The following PCDHA4 variants were observed in gnomAD, a reference collection of about 807,000 sequenced individuals.
PCDHA4 encodes protocadherin alpha-4.
PCDHA4 carries 49 observed loss-of-function variants against 61.4 expected under a neutral mutation model. The ratio of observed to expected loss-of-function variants is 0.80; its 90% CI spans 0.63 to 1.01. The LOEUF is 1.01. Among genes scored for constraint, PCDHA4 ranks in the 50% least tolerant of loss-of-function variants. The pLI is 0.00. For synonymous variants in PCDHA4, 590 were observed against 550.3 expected (o/e 1.07, Z -1.01); for missense variants, 1,254 against 1,235.8 (o/e 1.01, Z -0.22).
rs2150413547 is a variant in PCDHA4, at chr5:140,848,594, C to T, written c.2385+39022C>T. On this transcript the variant is annotated intron_variant, in intron 1 of 3. Coordinates refer to ENST00000530339, the MANE Select transcript of PCDHA4 (RefSeq NM_018907.4). The stretch of plus-strand genomic sequence containing the variant: ...TGGTGGGGAGCGGCCAGCTCCACTA[C>T]TCCGTCCCGGAGGAAGCCGAACACG... 3.8e-6 allele frequency: 6 copies of T among 1,594,526 alleles called. 1 individual carries two copies. In the African/African-American group the frequency reaches 4.0e-5, roughly 11 times the overall value.
At chr5:140,877,374 A>C in intron 1 of PCDHA4, 1 of 1,613,970 alleles carries the variant, frequency 6.2e-7, no homozygotes, top group Non-Finnish European at 8.5e-7. Context: ...TCAGCACGAC[A>C]CGCATCCTGG....
At chr5:140,905,878 C>T (rs1187937436) in intron 1 of PCDHA4, among the ~76,000 whole-genome samples, 2 of 152,054 alleles carry the variant, frequency 1.3e-5, no homozygotes, top group African/African-American at 2.4e-5. Flanking sequence ...CAAGGCCCAA[C>T]AATAGGCCAT....
At chr5:140,850,961 G>A in intron 1 of PCDHA4, 1 of 1,476,304 alleles carries the variant, frequency 6.8e-7, no homozygotes, top group Non-Finnish European at 9.1e-7. Flanking sequence ...TACTCCCAGG[G>A]GCCGTTCAAA....
rs376395074 is a variant in PCDHA4 at position 140,809,091 on chromosome 5, G to A, written c.1904G>A (p.Arg635His). 3 of 1,613,840 alleles carry A rather than the reference G, an allele frequency of 1.9e-6. No homozygotes were observed. Among genetic ancestry groups the A allele is most frequent in the African/African-American group, 2.7e-5 (2 of 74,930 alleles). ...TACACTGGCGAGATCAGCACAACGC[G>A]TGCCCTGGACGAAACGGACGCTCCG... Reference protein sequence around the residue: ...GLYTGEISTTRALDETDAPRH... With the variant: ...GLYTGEISTTHALDETDAPRH... The change falls in exon 1 of 4, where the codon CGT becomes CAT. Residue 635 changes from arginine to histidine, a missense_variant. Coordinates refer to ENST00000530339, the MANE Select transcript of PCDHA4 (RefSeq NM_018907.4).
At chr5:140,840,887 T>C (rs1359040754) in intron 1 of PCDHA4, among the ~76,000 whole-genome samples, 2 of 151,984 alleles carry the variant, frequency 1.3e-5, no homozygotes, top group Non-Finnish European at 2.9e-5. Flanking sequence ...ATTTCTGATA[T>C]CCATGACATA....
Position 140,809,185 on chromosome 5 carries a change from G to C in PCDHA4, c.1998G>C (p.Leu666=). Residue 666 remains leucine, a synonymous_variant, in exon 1 of 4, where the codon CTG becomes CTC. Transcript: ENST00000530339. The stretch of plus-strand genomic sequence containing the variant: ...CGCTGACGGCCACGGCCACTGTGCT[G>C]GTGTCACTTGTGGAGAGTGGACAGG... The part of the protein sequence containing the change: ...EPALTATATV[L]VSLVESGQAP... 1 of 1,614,048 alleles carries C rather than the reference G, an allele frequency of 6.2e-7. No individual in the cohort carries two copies. Among genetic ancestry groups the C allele is most frequent in the Non-Finnish European group, 8.5e-7 (1 of 1,179,944 alleles).
intron 1 of PCDHA4, chr5:140,843,199 G>C (rs2150355178): frequency 6.3e-7 from 1 of 1,596,082 alleles, no homozygotes; most frequent in South Asian, 1.1e-5. Flanking sequence ...GCGTGGGGCT[G>C]TACACGGGCG....
intron 1 of PCDHA4, chr5:140,850,704 C>G (rs2041773068): frequency 1.3e-6 from 2 of 1,598,020 alleles, no homozygotes; most frequent in Admixed American, 3.4e-5. Context: ...GCCTGGCAAG[C>G]CGACGCTGGT....
At chr5:140,861,184 A>G in intron 1 of PCDHA4, 1 of 160,152 alleles carries the variant, frequency 6.2e-6, no homozygotes, top group Non-Finnish European at 1.4e-5. Context: ...AAGTCTTTCT[A>G]GTCATGAAAT....
chr5:140,850,457 C>A lies in PCDHA4; in HGVS notation c.2385+40885C>A. ...GCCTACTGGTGCTGGTGAAAGACCA[C>A]GGGGAGCCAGCGCTGACGGCCACGG... On this transcript the variant is annotated intron_variant, in intron 1 of 3. Transcript: ENST00000530339. The A allele has an allele frequency of 3.1e-6, 5 of 1,597,798 alleles. 1 individual carries two copies. Among genetic ancestry groups the A allele is most frequent in the Non-Finnish European group, 4.3e-6 (5 of 1,167,620 alleles).
intron 1 of PCDHA4, among the ~76,000 whole-genome samples, chr5:140,900,475 C>G (rs2153470131): frequency 6.6e-6 from 1 of 152,298 alleles, no homozygotes; most frequent in East Asian, 1.9e-4. Flanking sequence ...CGGAGTTTCT[C>G]CATGTTGGTC....
At chr5:140,901,137 A>T (rs2068464747) in intron 1 of PCDHA4, among the ~76,000 whole-genome samples, 1 of 151,974 alleles carries the variant, frequency 6.6e-6, no homozygotes, top group South Asian at 2.1e-4. Flanking sequence ...TAGATTGTAA[A>T]TATTTTCTCT....
chr5:140,856,362 T>A, intron 1 of PCDHA4: 3 of 1,598,570 alleles, frequency 1.9e-6, no homozygotes, highest in Non-Finnish European at 2.6e-6. Flanking sequence ...AGCATCCACC[T>A]GGAGGTGATC....
At chr5:140,973,489 G>T (rs1554235344) in intron 1 of PCDHA4, among the ~76,000 whole-genome samples, 2 of 152,096 alleles carry the variant, frequency 1.3e-5, no homozygotes, top group African/African-American at 4.8e-5. Flanking sequence ...TTGGTCACAG[G>T]ACTCTTCTTC....
intron 1 of PCDHA4, among the ~76,000 whole-genome samples, chr5:140,901,405 G>C (rs1366026091): frequency 6.6e-6 from 1 of 152,128 alleles, no homozygotes; most frequent in Non-Finnish European, 1.5e-5. Context: ...TGAGAGATAG[G>C]GGTCTAGTTT....
chr5:140,881,259 C>T (rs1285019236), intron 1 of PCDHA4: 6 of 524,478 alleles, frequency 1.1e-5, no homozygotes, highest in Non-Finnish European at 9.8e-6. Flanking sequence ...AGGTTTTACT[C>T]AGTGATGATG....
At chr5:140,857,353 G>A (rs1197611806) in intron 1 of PCDHA4, 1 of 1,598,220 alleles carries the variant, frequency 6.3e-7, no homozygotes, top group African/African-American at 1.3e-5. Flanking sequence ...CTCCGCTGTG[G>A]GCCACGGCCA....
In PCDHA4 at chr5:140,851,054, T is replaced by C. The variant is rs1269980672; in HGVS notation, c.2385+41482T>C. The C allele has an allele frequency of 2.8e-5, 38 of 1,379,008 alleles. 5 individuals carry two copies. Among genetic ancestry groups the C allele is most frequent in the Non-Finnish European group, 3.5e-5 (37 of 1,051,766 alleles). The allele number at this position is 1,379,008 out of a possible 1,614,324, so 85.4% of individuals were successfully genotyped here. ...CTTAACATTGGAGCCGACTTTGTCT[T>C]GACTTCTAGTGAGAATTATAAACTG... On this transcript the variant is annotated intron_variant, in intron 1 of 3. Coordinates refer to ENST00000530339, the MANE Select transcript of PCDHA4 (RefSeq NM_018907.4).
At chr5:140,887,062 C>A (rs1183265871) in intron 1 of PCDHA4, among the ~76,000 whole-genome samples, 2 of 151,718 alleles carry the variant, frequency 1.3e-5, no homozygotes, top group African/African-American at 4.8e-5. Flanking sequence ...GTTCTGGCAA[C>A]AAATTCACTC....
Sources: gnomAD v4.1 joint callset for allele counts (sites outside exome capture counted in the v4.1 genomes callset) on GRCh38, gnomAD v4.1.1 for gene constraint, MANE v1.5 for transcripts, NCBI Gene and HGNC (gene_info 2026-07-23, HGNC 2026-07-21) for gene names.